Variants in TBC1D32 observed in about 807,000 individuals in gnomAD.
TBC1D32 encodes the protein protein broad-minded.
In TBC1D32, 151 loss-of-function variants were observed where a neutral mutation model predicts 170.3. That is an observed-to-expected ratio of 0.89 (90% CI 0.78 to 1.01). TBC1D32 has a LOEUF of 1.01. TBC1D32 is among the 50% of genes least tolerant of loss of function. TBC1D32 has a pLI of 0.00. For missense variants in TBC1D32, 1,464 were observed against 1,457.1 expected (o/e 1.00, Z -0.08); for synonymous variants, 498 against 488.0 (o/e 1.02, Z -0.27).
At chr6:121,142,016 G>T (rs1321182234) in intron 24 of TBC1D32, among the ~76,000 whole-genome samples, 5 of 152,218 alleles carry the variant, frequency 3.3e-5, no homozygotes, top group Non-Finnish European at 7.3e-5. Context: ...GTGCAAGACT[G>T]CTCTCTACTC....
intron 30 of TBC1D32, among the ~76,000 whole-genome samples, chr6:121,094,993 T>C (rs564084755): frequency 9.9e-5 from 15 of 152,234 alleles, no homozygotes; most frequent in Admixed American, 7.9e-4. Context: ...GTCTCAAAAA[T>C]ACATTATTAC....
chr6:121,102,471 A>C (rs1562487442), intron 30 of TBC1D32, among the ~76,000 whole-genome samples: 1 of 152,174 alleles, frequency 6.6e-6, no homozygotes, highest in Non-Finnish European at 1.5e-5. Context: ...CAAACCTGAC[A>C]AAAACAAGAA....
At chr6:121,180,279 A>G (rs935984973) in intron 22 of TBC1D32, among the ~76,000 whole-genome samples, 1 of 152,192 alleles carries the variant, frequency 6.6e-6, no homozygotes, top group Admixed American at 6.6e-5. Flanking sequence ...TAGCTGAGAT[A>G]TTTTTGAAAA....
chr6:121,331,645 G>T (rs1180445280), intron 1 of TBC1D32, among the ~76,000 whole-genome samples: 1 of 152,084 alleles, frequency 6.6e-6, no homozygotes, highest in Non-Finnish European at 1.5e-5. Flanking sequence ...TAAACACTTT[G>T]GAAAGGAAGA....
chr6:121,207,698 A>G (rs1792458197), intron 21 of TBC1D32, among the ~76,000 whole-genome samples: 1 of 152,206 alleles, frequency 6.6e-6, no homozygotes, highest in East Asian at 1.9e-4. Context: ...AAAAGTAGAC[A>G]GAAATTCTGT....
chr6:121,108,844 A>G (rs1233647846), intron 29 of TBC1D32, among the ~76,000 whole-genome samples: 1 of 152,270 alleles, frequency 6.6e-6, no homozygotes, highest in East Asian at 1.9e-4. Context: ...GGTCCAGTCT[A>G]GTCCTCCATC....
At chr6:121,085,615 C>T (rs1776183016) in intron 31 of TBC1D32, among the ~76,000 whole-genome samples, 1 of 151,830 alleles carries the variant, frequency 6.6e-6, no homozygotes. Context: ...AGATTTTCTA[C>T]TACAATCTGA....
intron 30 of TBC1D32, among the ~76,000 whole-genome samples, chr6:121,094,573 A>C (rs2128179554): frequency 6.6e-6 from 1 of 152,274 alleles, no homozygotes; most frequent in East Asian, 1.9e-4. Flanking sequence ...TTTTTTCTTT[A>C]ACAATTATTA....
At chr6:121,100,979 A>T (rs531856891) in intron 30 of TBC1D32, among the ~76,000 whole-genome samples, 1 of 152,308 alleles carries the variant, frequency 6.6e-6, no homozygotes, top group Admixed American at 6.5e-5. Flanking sequence ...ATAAACTAGA[A>T]AATCTAGAAG....
chr6:121,281,123 C>T (rs958332710), intron 14 of TBC1D32, among the ~76,000 whole-genome samples: 4 of 151,758 alleles, frequency 2.6e-5, no homozygotes, highest in African/African-American at 9.7e-5. Context: ...TATAAGTGTT[C>T]TCTCTAAAGT....
At chr6:121,104,655 A>G (rs1778502514) in intron 30 of TBC1D32, among the ~76,000 whole-genome samples, 1 of 151,804 alleles carries the variant, frequency 6.6e-6, no homozygotes, top group South Asian at 2.1e-4. Context: ...TATTAACCAT[A>G]GGCAAAGAGA....
intron 20 of TBC1D32, among the ~76,000 whole-genome samples, chr6:121,232,118 G>A (rs1247750894): frequency 6.6e-6 from 1 of 151,990 alleles, no homozygotes; most frequent in Middle Eastern, 3.2e-3. Flanking sequence ...TGAGAGATGA[G>A]GATCCAGTTT....
intron 20 of TBC1D32, among the ~76,000 whole-genome samples, chr6:121,235,964 G>C (rs1691321605): frequency 6.6e-6 from 1 of 152,058 alleles, no homozygotes; most frequent in African/African-American, 2.4e-5. Context: ...CTGAAAATCT[G>C]TATTTTAATT....
chr6:121,221,666 G>A (rs182224855), intron 21 of TBC1D32, among the ~76,000 whole-genome samples: 1 of 152,222 alleles, frequency 6.6e-6, no homozygotes, highest in East Asian at 1.9e-4. Flanking sequence ...CTACAGACAT[G>A]GTGGAAATAG....
At chr6:121,228,968 A>C (rs1487032290) in intron 20 of TBC1D32, among the ~76,000 whole-genome samples, 1 of 152,138 alleles carries the variant, frequency 6.6e-6, no homozygotes, top group Non-Finnish European at 1.5e-5. Context: ...GACCATATTC[A>C]TATTATCATT....
intron 22 of TBC1D32, among the ~76,000 whole-genome samples, chr6:121,191,679 C>T (rs988215618): frequency 1.3e-5 from 2 of 152,090 alleles, no homozygotes; most frequent in African/African-American, 4.8e-5. Flanking sequence ...GTATGGTTTT[C>T]GGGCATGTGG....
chr6:121,218,397 A>T (rs546947169), intron 21 of TBC1D32, among the ~76,000 whole-genome samples: 1 of 152,144 alleles, frequency 6.6e-6, no homozygotes, highest in Non-Finnish European at 1.5e-5. Context: ...TAGTTCCCAT[A>T]ATCCCCACAT....
chr6:121,303,534 C>A, intron 9 of TBC1D32, 83 bp downstream of exon 9: 2 of 1,109,988 alleles, frequency 1.8e-6, no homozygotes, highest in Non-Finnish European at 2.4e-6. Context: ...GAACTCTTAG[C>A]ACACAGTATT....
chr6:121,313,409 G>A (rs369666066), intron 3 of TBC1D32, among the ~76,000 whole-genome samples: 10 of 150,492 alleles, frequency 6.6e-5, no homozygotes, highest in East Asian at 2.0e-4. Flanking sequence ...TCAGCCTCCC[G>A]AGTAGCTGAA....
Sources: gnomAD v4.1 joint callset for allele counts (sites outside exome capture counted in the v4.1 genomes callset) on GRCh38, gnomAD v4.1.1 for gene constraint, MANE v1.5 for transcripts, NCBI Gene and HGNC (gene_info 2026-07-23, HGNC 2026-07-21) for gene names.